The following FSTL5 variants were observed in gnomAD, a reference collection of about 807,000 sequenced individuals.
FSTL5 encodes follistatin like 5, also known as follistatin-related protein 5.
Under a neutral mutation model 89.1 loss-of-function variants are expected in FSTL5, and 62 were observed. The observed-to-expected ratio is 0.70, with a 90% CI of 0.57 to 0.86. The LOEUF (loss-of-function observed/expected upper bound fraction) is 0.86, where lower values mean the gene tolerates loss of function less well. FSTL5 is among the 40% of genes least tolerant of loss of function. The pLI, the probability that FSTL5 is intolerant of heterozygous loss-of-function variation, is 0.00. For missense variants in FSTL5, 1,057 were observed against 1,001.6 expected, an observed-to-expected ratio of 1.06 and a Z score of -0.75; for synonymous variants, 383 against 346.2, an observed-to-expected ratio of 1.11 and a Z score of -1.18.
intron 4 of FSTL5, among the ~76,000 whole-genome samples, chr4:161,902,526 T>C (rs1733396763): frequency 6.6e-6 from 1 of 152,176 alleles, no homozygotes; most frequent in Non-Finnish European, 1.5e-5. Context: ...TGAGAATGAA[T>C]GGATTAAAAC....
intron 6 of FSTL5, among the ~76,000 whole-genome samples, chr4:161,739,803 G>T (rs984800663): frequency 6.6e-6 from 1 of 151,790 alleles, no homozygotes; most frequent in African/African-American, 2.4e-5. Context: ...TGAGTAGCCA[G>T]ATGAATACAC....
intron 7 of FSTL5, among the ~76,000 whole-genome samples, chr4:161,595,338 C>A (rs1337754959): frequency 1.0e-5 from 1 of 96,828 alleles, no homozygotes; most frequent in Non-Finnish European, 2.1e-5. Flanking sequence ...TTGTTCTGAA[C>A]CCCTGTTACA....
At chr4:162,100,594 G>A (rs1438019632) in intron 2 of FSTL5, among the ~76,000 whole-genome samples, 1 of 152,160 alleles carries the variant, frequency 6.6e-6, no homozygotes, top group African/African-American at 2.4e-5. Context: ...GTGGATACAT[G>A]TCATTATACA....
chr4:161,609,571 T>G (rs1734569976), intron 7 of FSTL5, among the ~76,000 whole-genome samples: 1 of 152,164 alleles, frequency 6.6e-6, no homozygotes, highest in South Asian at 2.1e-4. Context: ...ACACTGTTAA[T>G]TTTCCAGATT....
chr4:161,948,360 T>C (rs1734794752), intron 3 of FSTL5, among the ~76,000 whole-genome samples: 2 of 151,858 alleles, frequency 1.3e-5, no homozygotes, highest in South Asian at 4.2e-4. Flanking sequence ...TAAATTATTG[T>C]TATTTTAATA....
chr4:161,636,619 C>T (rs1199584782), intron 7 of FSTL5, among the ~76,000 whole-genome samples: 1 of 148,476 alleles, frequency 6.7e-6, no homozygotes, highest in African/African-American at 2.5e-5. Flanking sequence ...CCCATCCCCC[C>T]ACCCCACCAC....
At chr4:161,464,378 A>G (rs1218897566) in intron 13 of FSTL5, among the ~76,000 whole-genome samples, 1 of 152,122 alleles carries the variant, frequency 6.6e-6, no homozygotes, top group Non-Finnish European at 1.5e-5. Context: ...ATCTTTGCTC[A>G]TAATTCACTT....
At chr4:161,810,730 T>C (rs1334017844) in intron 4 of FSTL5, among the ~76,000 whole-genome samples, 1 of 152,194 alleles carries the variant, frequency 6.6e-6, no homozygotes, top group East Asian at 1.9e-4. Flanking sequence ...TAATTAACTA[T>C]AATAATGTTA....
intron 6 of FSTL5, among the ~76,000 whole-genome samples, chr4:161,674,299 C>T (rs2126701383): frequency 6.6e-6 from 1 of 151,646 alleles, no homozygotes; most frequent in African/African-American, 2.4e-5. Flanking sequence ...CCAAGAAAGC[C>T]TAAATGGGAA....
chr4:161,567,530 G>C (rs1213793805), intron 8 of FSTL5, among the ~76,000 whole-genome samples: 1 of 152,000 alleles, frequency 6.6e-6, no homozygotes, highest in African/African-American at 2.4e-5. Flanking sequence ...CCCAGTACTT[G>C]TATACATAGA....
chr4:161,752,093 T>C (rs1361313807), intron 6 of FSTL5, among the ~76,000 whole-genome samples: 1 of 152,134 alleles, frequency 6.6e-6, no homozygotes, highest in Non-Finnish European at 1.5e-5. Context: ...TGGTAAACTT[T>C]GTTGTTTTAT....
At chr4:161,799,697 A>G (rs532869407) in intron 4 of FSTL5, among the ~76,000 whole-genome samples, 36 of 151,830 alleles carry the variant, frequency 2.4e-4, no homozygotes, top group African/African-American at 7.7e-4. Flanking sequence ...TTTATTCATC[A>G]TTACCATTTT....
At chr4:161,603,739 T>C (rs1468107181) in intron 7 of FSTL5, among the ~76,000 whole-genome samples, 3 of 152,312 alleles carry the variant, frequency 2.0e-5, no homozygotes, top group Non-Finnish European at 2.9e-5. Flanking sequence ...TCCAGAATCA[T>C]GTTCGAGAGA....
At chr4:161,801,424 T>C (rs1729788932) in intron 4 of FSTL5, among the ~76,000 whole-genome samples, 1 of 151,520 alleles carries the variant, frequency 6.6e-6, no homozygotes, top group South Asian at 2.1e-4. Context: ...TCATGTGGTC[T>C]GGGATTTTCT....
At chr4:161,869,549 G>C (rs191852132) in intron 4 of FSTL5, among the ~76,000 whole-genome samples, 68 of 152,280 alleles carry the variant, frequency 4.5e-4, no homozygotes, top group African/African-American at 1.6e-3. Context: ...GCAAAGGTGA[G>C]TTTTGCCCTC....
At chr4:162,158,499 C>A (rs1389172873) in intron 1 of FSTL5, among the ~76,000 whole-genome samples, 3 of 151,950 alleles carry the variant, frequency 2.0e-5, no homozygotes, top group Non-Finnish European at 4.4e-5. Context: ...GAGGCATTTA[C>A]ATATAGTAAA....
At chr4:161,390,573 G>A (rs960609475) in intron 15 of FSTL5, among the ~76,000 whole-genome samples, 4 of 151,738 alleles carry the variant, frequency 2.6e-5, no homozygotes, top group African/African-American at 9.7e-5. Flanking sequence ...AGGGTTCCAG[G>A]CCTTGTCACC....
At chr4:161,959,170 T>A in intron 3 of FSTL5, among the ~76,000 whole-genome samples, 1 of 152,124 alleles carries the variant, frequency 6.6e-6, no homozygotes. Context: ...AAGAATATAT[T>A]CCATGTTTAA....
At chr4:162,162,539 C>A (rs1293081037) in intron 1 of FSTL5, among the ~76,000 whole-genome samples, 1 of 152,042 alleles carries the variant, frequency 6.6e-6, no homozygotes, top group Non-Finnish European at 1.5e-5. Context: ...ATTTATCAGG[C>A]AAACCATCAC....
Sources: allele counts gnomAD v4.1 joint callset (sites outside exome capture counted in the v4.1 genomes callset), GRCh38; gene constraint gnomAD v4.1.1; transcripts MANE v1.5; gene names NCBI Gene and HGNC (gene_info 2026-07-23, HGNC 2026-07-21).